Variants in BMPR2 observed in about 807,000 individuals in gnomAD.
BMPR2 encodes bone morphogenetic protein receptor type-2.
BMPR2 carries 29 observed loss-of-function variants against 100.8 expected under a neutral mutation model. That is an observed-to-expected ratio of 0.29 (90% CI 0.21 to 0.39). The LOEUF (loss-of-function observed/expected upper bound fraction) is 0.39, where lower values mean the gene tolerates loss of function less well. Among genes scored for constraint, BMPR2 ranks in the 10% least tolerant of loss-of-function variants. BMPR2 has a pLI of 1.00. For missense variants in BMPR2, 1,011 were observed against 1,274.5 expected, an observed-to-expected ratio of 0.79 and a Z score of 3.15; for synonymous variants, 382 against 442.3, an observed-to-expected ratio of 0.86 and a Z score of 1.71.
chr2:202,513,648 G>T, intron 3 of BMPR2, 71 bp from the exon 4 acceptor site: 1 of 1,120,058 alleles, frequency 8.9e-7, no homozygotes, highest in Non-Finnish European at 1.3e-6. Context: ...CTTTCTAAAG[G>T]GCAGTCTGTC....
chr2:202,519,077 T>C (rs773168732), intron 6 of BMPR2, 25 bp downstream of exon 6: 33 of 1,607,152 alleles, frequency 2.1e-5, no homozygotes, highest in Non-Finnish European at 2.7e-5. Context: ...GAAAATAAAC[T>C]GAGGCCAGGT....
intron 11 of BMPR2, among the ~76,000 whole-genome samples, chr2:202,554,456 T>C (rs1688528933): frequency 6.6e-6 from 1 of 152,188 alleles, no homozygotes; most frequent in Non-Finnish European, 1.5e-5. Context: ...TTACGCTAAC[T>C]CTAGGTTTTA....
In BMPR2 at chr2:202,506,900, C is replaced by G. The variant is rs566673095; in HGVS notation, c.419-6819C>G. ...GGGTGACAAGAGCGAAACTCTGTCT[C>G]AAAAAACAATAACAGCAAAAAAATT... On this transcript the variant is annotated intron_variant, in intron 3 of 12. Transcript: ENST00000374580. Among the ~76,000 whole-genome samples the G allele has an allele frequency of 3.3e-5, 5 of 151,390 alleles. 1 individual carries two copies. The East Asian group carries it at 9.8e-4, about 30-fold the overall frequency.
intron 10 of BMPR2, among the ~76,000 whole-genome samples, chr2:202,543,509 T>G (rs1688319508): frequency 6.6e-6 from 1 of 151,724 alleles, no homozygotes; most frequent in Admixed American, 6.6e-5. Context: ...CAGTATTCTA[T>G]TGATAAAATC....
At chr2:202,448,549 C>T (rs556408730) in intron 1 of BMPR2, among the ~76,000 whole-genome samples, 19 of 151,578 alleles carry the variant, frequency 1.3e-4, no homozygotes, top group Admixed American at 8.5e-4. Flanking sequence ...CTCCTCCTCC[C>T]GGGTTCAAGC....
At position 202,448,922 on chromosome 2, in the gene BMPR2, TTGG is replaced by T. The variant is rs1385527664; in HGVS notation, c.77-15884_77-15882del. Among the ~76,000 whole-genome samples, 11 of 134,244 alleles carry T rather than the reference TTGG, an allele frequency of 8.2e-5. No homozygotes were observed. The East Asian group carries it at 2.1e-3, about 25-fold the overall frequency. 88.1% of individuals were successfully genotyped at this position (134,244 alleles called of 152,430 possible). On this transcript the variant is annotated intron_variant, in intron 1 of 12. Transcript: ENST00000374580. The stretch of plus-strand genomic sequence containing the variant: ...CTTGGATTATTTTGTCAGTTTAGAA[TTGG>T]TGTGTGTGTGTGTGTGTGTGTGTGT...
chr2:202,533,414 C>A (rs563474115), intron 9 of BMPR2, among the ~76,000 whole-genome samples: 1 of 152,086 alleles, frequency 6.6e-6, no homozygotes, highest in Admixed American at 6.5e-5. Flanking sequence ...GTAATCCCAG[C>A]TGCTCAGGAG....
At chr2:202,535,020 T>C in intron 9 of BMPR2, among the ~76,000 whole-genome samples, 1 of 133,600 alleles carries the variant, frequency 7.5e-6, no homozygotes, top group East Asian at 2.5e-4. Context: ...ACGGGTCGGC[T>C]GGCCGGGCGG....
chr2:202,438,088 C>T (rs559083730), intron 1 of BMPR2, among the ~76,000 whole-genome samples: 5 of 150,040 alleles, frequency 3.3e-5, no homozygotes, highest in Non-Finnish European at 5.9e-5. Flanking sequence ...TGAAGGTGGG[C>T]GGATCACCTG....
At chr2:202,553,116 G>T (rs1418061938) in intron 11 of BMPR2, among the ~76,000 whole-genome samples, 1 of 152,182 alleles carries the variant, frequency 6.6e-6, no homozygotes, top group Non-Finnish European at 1.5e-5. Context: ...TATAGTGAAA[G>T]AAGTTAGTCT....
At chr2:202,490,970 G>T (rs532951231) in intron 3 of BMPR2, among the ~76,000 whole-genome samples, 171 of 152,032 alleles carry the variant, frequency 1.1e-3, no homozygotes, top group Middle Eastern at 3.4e-3. Context: ...TCTTCTTCTT[G>T]CCCAGGCTGG....
At chr2:202,511,350 T>G (rs1239221644) in intron 3 of BMPR2, among the ~76,000 whole-genome samples, 1 of 152,224 alleles carries the variant, frequency 6.6e-6, no homozygotes, top group East Asian at 1.9e-4. Context: ...TCGGGTGTTG[T>G]AAATAGTGAT....
intron 1 of BMPR2, among the ~76,000 whole-genome samples, chr2:202,409,905 T>C (rs1308186543): frequency 6.6e-6 from 1 of 152,210 alleles, no homozygotes. Flanking sequence ...CCTAGGTTCC[T>C]AACTCTCTCC....
At position 202,464,969 on chromosome 2, in the gene BMPR2, T is replaced by C; in HGVS notation, c.237T>C (p.Leu79=). The part of the protein sequence containing the change: ...LWEKSKGDIN[L]VKQGCWSHIG... ...AGAAATCAAAAGGGGACATAAATCT[T>C]GTAAAACAAGGCAAGTGATACTTTC... The change falls in exon 2 of 13, where the codon CTT becomes CTC. Residue 79 remains leucine (L), a synonymous_variant. Coordinates refer to ENST00000374580, the MANE Select transcript of BMPR2 (RefSeq NM_001204.7). 1 of 1,614,134 alleles carries C rather than the reference T, an allele frequency of 6.2e-7. No homozygotes were observed. The highest frequency in any genetic ancestry group is 1.7e-4 in the Middle Eastern group (1 of 6,060).
Position 202,560,003 on chromosome 2 carries a change from G to T in BMPR2, c.*57G>T. On this transcript the variant is annotated 3_prime_UTR_variant, in exon 13 of 13. Coordinates refer to ENST00000374580, the MANE Select transcript of BMPR2 (RefSeq NM_001204.7). Reference sequence around the variant, plus strand: ...TTTTGCATCATTTAAACATGCAGAAGATGTTTAAAAATAAAAAAAAAACTG... The same window carrying T: ...TTTTGCATCATTTAAACATGCAGAATATGTTTAAAAATAAAAAAAAAACTG... The T allele has an allele frequency of 6.2e-7, 1 of 1,604,512 alleles. No individual in the cohort carries two copies. The highest frequency in any genetic ancestry group is 2.2e-5 in the East Asian group (1 of 44,828).
intron 1 of BMPR2, among the ~76,000 whole-genome samples, chr2:202,391,778 T>C (rs1690554045): frequency 6.6e-6 from 1 of 151,712 alleles, no homozygotes; most frequent in African/African-American, 2.4e-5. Context: ...CTTTTTTTTT[T>C]TTGAGATGGA....
intron 1 of BMPR2, among the ~76,000 whole-genome samples, chr2:202,438,293 A>G (rs911100488): frequency 2.7e-5 from 4 of 150,556 alleles, no homozygotes; most frequent in Non-Finnish European, 5.9e-5. Flanking sequence ...AGCCTGGGCA[A>G]CAAGAGCGAA....
At chr2:202,449,038 G>A (rs1691918681) in intron 1 of BMPR2, among the ~76,000 whole-genome samples, 1 of 151,506 alleles carries the variant, frequency 6.6e-6, no homozygotes, top group African/African-American at 2.4e-5. Context: ...CAGGCCTGGG[G>A]TGGGGGTGGC....
intron 1 of BMPR2, among the ~76,000 whole-genome samples, chr2:202,380,211 C>T (rs936847040): frequency 1.3e-5 from 2 of 150,238 alleles, no homozygotes; most frequent in African/African-American, 4.9e-5. Context: ...AAAAAAACAA[C>T]TTATGAAAAA....
Sources: allele counts gnomAD v4.1 joint callset (sites outside exome capture counted in the v4.1 genomes callset), GRCh38; gene constraint gnomAD v4.1.1; transcripts MANE v1.5; gene names NCBI Gene and HGNC (gene_info 2026-07-23, HGNC 2026-07-21).